SEC13: variants seen among roughly 807,000 people sequenced by gnomAD.
SEC13 encodes SEC13 homolog, nuclear pore and COPII component, also known as protein SEC13 homolog.
In SEC13, 25 loss-of-function variants were observed where a neutral mutation model predicts 49.2. The ratio of observed to expected loss-of-function variants is 0.51; its 90% CI spans 0.37 to 0.71. The LOEUF is 0.71. Ranked by LOEUF, SEC13 falls within the 30% of genes least tolerant of loss-of-function variation. The pLI is 0.00. For missense variants in SEC13, 383 were observed against 417.6 expected (o/e 0.92, Z 0.72); for synonymous variants, 148 against 163.9 (o/e 0.90, Z 0.74).
chr3:10,318,386 C>T (rs1701735831), intron 1 of SEC13, among the ~76,000 whole-genome samples: 1 of 151,746 alleles, frequency 6.6e-6, no homozygotes, highest in South Asian at 2.1e-4. Context: ...GGGTGGTAGA[C>T]ACGAATTGAG....
In SEC13 at chr3:10,305,311, G is replaced by GA. The variant is rs1559492064; in HGVS notation, c.585-156_585-155insT. On this transcript the variant is annotated intron_variant, in intron 6 of 8. Coordinates refer to ENST00000350697, the MANE Select transcript of SEC13 (RefSeq NM_183352.3). ...GCATTTTATTCCCTTCACCCCAGCT[G>GA]TAAAAAAAACCCTCCAGAAAATGCT... 1.9e-5 allele frequency: 21 copies of GA among 1,114,262 alleles called. No homozygotes were observed. In the African/African-American group the frequency reaches 4.2e-4, roughly 22 times the overall value. 69.0% of individuals were successfully genotyped at this position (1,114,262 alleles called of 1,614,324 possible). A position where few individuals can be genotyped will look rare whatever the true frequency, so the allele number is the denominator to read the frequency against.
chr3:10,317,761 C>G (rs1051972440), intron 2 of SEC13, among the ~76,000 whole-genome samples: 1 of 152,124 alleles, frequency 6.6e-6, no homozygotes, highest in Non-Finnish European at 1.5e-5. Flanking sequence ...AGCCTTCATC[C>G]GAGAGCAGGT....
chr3:10,318,964 A>G (rs1266868384), intron 1 of SEC13, among the ~76,000 whole-genome samples: 1 of 152,236 alleles, frequency 6.6e-6, no homozygotes, highest in African/African-American at 2.4e-5. Context: ...ATCCCCTCAA[A>G]TCATCCAGCA....
chr3:10,320,127 TA>T (rs1366270659), intron 1 of SEC13, among the ~76,000 whole-genome samples: 4 of 152,036 alleles, frequency 2.6e-5, no homozygotes, highest in Non-Finnish European at 5.9e-5. Context: ...GATAATGAGT[TA>T]AAAATTCATT....
rs770438102 is a variant in SEC13 at position 10,305,069 on chromosome 3, G to A, written c.672C>T (p.Ile224=). Residue 224 remains isoleucine, a synonymous_variant, in exon 7 of 9, where the codon ATC becomes ATT. Coordinates refer to ENST00000350697, the MANE Select transcript of SEC13 (RefSeq NM_183352.3). Reference sequence around the variant, plus strand: ...TGGCGATGGTGCTGGTGGGCAGGCCGATGGAGGGGGCCCAGGCCACATCTC... The same window carrying A: ...TGGCGATGGTGCTGGTGGGCAGGCCAATGGAGGGGGCCCAGGCCACATCTC... ...WVRDVAWAPS[I]GLPTSTIASC... 1.9e-5 allele frequency: 30 copies of A among 1,614,030 alleles called. No homozygotes were observed. Among genetic ancestry groups the A allele is most frequent in the Middle Eastern group, 1.6e-4 (1 of 6,082 alleles).
rs763287192 is a variant in SEC13, at chr3:10,311,980, G to C, written c.435C>G (p.Ile145Met). ...TGEGQWEVKK[I>M]NNAHTIGCNA... ...ATGGACTCACGGTGTGAGCGTTGTTGATCTTCTTTACTTCCCATTGGCCTT... is the reference window on the plus strand; with the variant it reads ...ATGGACTCACGGTGTGAGCGTTGTTCATCTTCTTTACTTCCCATTGGCCTT... The change falls in exon 5 of 9, where the codon ATC becomes ATG. Residue 145 changes from isoleucine (I) to methionine (M), a missense_variant. Transcript: ENST00000350697. 10 of 1,614,180 alleles carry C rather than the reference G, an allele frequency of 6.2e-6. No individual in the cohort carries two copies. The South Asian group carries it at 9.9e-5, about 16-fold the overall frequency.
At chr3:10,311,356 C>T (rs1559496794) in intron 5 of SEC13, among the ~76,000 whole-genome samples, 1 of 152,190 alleles carries the variant, frequency 6.6e-6, no homozygotes, top group African/African-American at 2.4e-5. Flanking sequence ...GAATTAAACT[C>T]ATAAAATATC....
chr3:10,305,249 C>T (rs1056214989), intron 6 of SEC13, 93 bp from the exon 7 acceptor site: 38 of 1,473,304 alleles, frequency 2.6e-5, no homozygotes, highest in Non-Finnish European at 3.0e-5. Context: ...GGTGGAGAAG[C>T]GATTCCATCT....
At chr3:10,319,761 T>TGAGAGAGAGAGA (rs34434283) in intron 1 of SEC13, among the ~76,000 whole-genome samples, 18 of 45,506 alleles carry the variant, frequency 4.0e-4, no homozygotes, top group African/African-American at 1.2e-3. Flanking sequence ...CACTTCTGAA[T>TGAGAGAGAGAGA]GAGAGAGAGA....
chr3:10,319,302 C>T, intron 1 of SEC13: 2 of 1,591,956 alleles, frequency 1.3e-6, no homozygotes, highest in Non-Finnish European at 1.7e-6. Flanking sequence ...TCTCTAAAAA[C>T]CAGGTCCCCG....
rs1700460616 is a variant in SEC13 at position 10,300,954 on chromosome 3, AG to A, written c.*306del. On this transcript the variant is annotated 3_prime_UTR_variant, in exon 9 of 9. Transcript: ENST00000350697. ...AATTATAAGCAATATGACTTTATTT[AG>A]TTCCTTTGGAAACAAAACCCCCCAA... 4 of 888,520 alleles carry A rather than the reference AG, an allele frequency of 4.5e-6. No individual in the cohort carries two copies. In the Admixed American group the frequency reaches 9.0e-5, roughly 20 times the overall value. 55.0% of individuals were successfully genotyped at this position (888,520 alleles called of 1,614,324 possible). A position where few individuals can be genotyped will look rare whatever the true frequency, so the allele number is the denominator to read the frequency against.
In SEC13 at chr3:10,310,348, G is replaced by A. The variant is rs570811625; in HGVS notation, c.450+1617C>T. Among the ~76,000 whole-genome samples the A allele has an allele frequency of 5.9e-5, 9 of 152,186 alleles. No homozygotes were observed. The South Asian group carries it at 1.9e-3, about 32-fold the overall frequency. ...TCTACTACAAATACAAAAATTAGCC[G>A]GGTGTTGTGGCGTGTGCCTGTAATT... is the stretch of plus-strand genomic sequence containing the variant. On this transcript the variant is annotated intron_variant, in intron 5 of 8. Coordinates refer to ENST00000350697, the MANE Select transcript of SEC13 (RefSeq NM_183352.3).
intron 2 of SEC13, among the ~76,000 whole-genome samples, chr3:10,315,710 G>A (rs896971568): frequency 6.6e-5 from 10 of 152,144 alleles, no homozygotes; most frequent in African/African-American, 1.2e-4. Flanking sequence ...TTCCTGTTCC[G>A]CAGGGTGGGT....
At chr3:10,308,862 C>T (rs1701062253) in intron 5 of SEC13, among the ~76,000 whole-genome samples, 2 of 146,228 alleles carry the variant, frequency 1.4e-5, no homozygotes, top group South Asian at 4.4e-4. Context: ...GAACTCCTGG[C>T]CTCAAACAGG....
intron 1 of SEC13, chr3:10,320,750 A>G: frequency 2.3e-6 from 3 of 1,296,522 alleles, no homozygotes; most frequent in Non-Finnish European, 2.0e-6. Context: ...CTCGGTATAC[A>G]GTAGCTCCTC....
chr3:10,307,943 A>C (rs1387216658), intron 5 of SEC13, among the ~76,000 whole-genome samples: 1 of 152,182 alleles, frequency 6.6e-6, no homozygotes, highest in Non-Finnish European at 1.5e-5. Context: ...AAGTCTTTGT[A>C]GTCATTTTAG....
intron 3 of SEC13, chr3:10,313,707 G>A (rs1701428884): frequency 5.3e-6 from 1 of 189,518 alleles, no homozygotes; most frequent in African/African-American, 2.3e-5. Flanking sequence ...AAAAAGAATG[G>A]GGTGGGAATT....
At chr3:10,306,597 G>A (rs1700893279) in intron 5 of SEC13, among the ~76,000 whole-genome samples, 1 of 152,156 alleles carries the variant, frequency 6.6e-6, no homozygotes, top group Non-Finnish European at 1.5e-5. Flanking sequence ...AGGGATAGAG[G>A]TCTGATATGG....
chr3:10,319,268 AG>A (rs758691379), intron 1 of SEC13: 11 of 1,609,172 alleles, frequency 6.8e-6, no homozygotes, highest in Non-Finnish European at 9.3e-6. Context: ...AAGTAAGCAC[AG>A]GTTCTCTCAT....
Sources: gnomAD v4.1 joint callset for allele counts (sites outside exome capture counted in the v4.1 genomes callset) on GRCh38, gnomAD v4.1.1 for gene constraint, MANE v1.5 for transcripts, NCBI Gene and HGNC (gene_info 2026-07-23, HGNC 2026-07-21) for gene names.